Variants in ASAP3 observed in about 807,000 individuals in gnomAD.
ASAP3 encodes arf-GAP with SH3 domain, ANK repeat and PH domain-containing protein 3.
In ASAP3, 85 loss-of-function variants were observed where a neutral mutation model predicts 118.2. That is an observed-to-expected ratio of 0.72 (90% CI 0.60 to 0.86). ASAP3 has a LOEUF of 0.86. Among genes scored for constraint, ASAP3 ranks in the 40% least tolerant of loss-of-function variants. ASAP3 has a pLI of 0.00. For synonymous variants in ASAP3, 432 were observed against 477.4 expected (o/e 0.90, Z 1.24); for missense variants, 1,026 against 1,175.0 (o/e 0.87, Z 1.85).
At chr1:23,463,981 T>A (rs1390515435) in intron 1 of ASAP3, among the ~76,000 whole-genome samples, 1 of 152,120 alleles carries the variant, frequency 6.6e-6, no homozygotes, top group Non-Finnish European at 1.5e-5. Context: ...GTATGGTTCT[T>A]ACTGTGGTTT....
intron 1 of ASAP3, among the ~76,000 whole-genome samples, chr1:23,457,366 A>C (rs1035615613): frequency 6.6e-6 from 1 of 152,202 alleles, no homozygotes. Context: ...AAGATTCAAA[A>C]TGATACCCAC....
At chr1:23,472,419 C>T (rs1384993616) in intron 1 of ASAP3, among the ~76,000 whole-genome samples, 1 of 152,130 alleles carries the variant, frequency 6.6e-6, no homozygotes, top group Non-Finnish European at 1.5e-5. Context: ...AAGTGATCCT[C>T]CCACCTTGGC....
chr1:23,438,681 G>T lies in ASAP3; in HGVS notation c.1102+66C>A. 1 of 1,460,270 alleles carries T rather than the reference G, an allele frequency of 6.8e-7. No homozygotes were observed. The highest frequency in any genetic ancestry group is 9.6e-7 in the Non-Finnish European group (1 of 1,044,440). 90.5% of individuals were successfully genotyped at this position (1,460,270 alleles called of 1,614,324 possible). A position where few individuals can be genotyped will look rare whatever the true frequency, so the allele number is the denominator to read the frequency against. ...GACCCCTCACTGAAGCCCCCCGGGAGCTGACAGGTGTCTTAGAGAAGCCCT... is the reference window on the plus strand; with the variant it reads ...GACCCCTCACTGAAGCCCCCCGGGATCTGACAGGTGTCTTAGAGAAGCCCT... On this transcript the variant is annotated intron_variant, in intron 12 of 24. Coordinates refer to ENST00000336689, the MANE Select transcript of ASAP3 (RefSeq NM_017707.4). This position sits in a 1 kb window ranked among gnomAD's most constrained non-coding sequence, Gnocchi z 4.9.
chr1:23,446,111 G>A (rs1260770975), intron 5 of ASAP3, among the ~76,000 whole-genome samples: 1 of 152,180 alleles, frequency 6.6e-6, no homozygotes, highest in South Asian at 2.1e-4. Flanking sequence ...ATCTGCGGGG[G>A]TCCTGGAACC....
At position 23,436,166 on chromosome 1, in the gene ASAP3, TC is replaced by T; in HGVS notation, c.1572-139del. On this transcript the variant is annotated intron_variant, in intron 16 of 24. Coordinates refer to ENST00000336689, the MANE Select transcript of ASAP3 (RefSeq NM_017707.4). This position sits in a 1 kb window ranked among gnomAD's most constrained non-coding sequence, Gnocchi z 4.2. ...GACGTCTAGATCTGAGGCTCCCCTC[TC>T]CCCAGGCTTTTTTTTTAGACAGTCT... 1.1e-6 allele frequency: 1 copy of T among 950,772 alleles called. No individual in the cohort carries two copies. The highest frequency in any genetic ancestry group is 1.6e-6 in the Non-Finnish European group (1 of 644,650). 58.9% of individuals were successfully genotyped at this position (950,772 alleles called of 1,614,324 possible). A position where few individuals can be genotyped will look rare whatever the true frequency, so the allele number is the denominator to read the frequency against.
At chr1:23,452,365 C>T (rs951180545) in intron 4 of ASAP3, among the ~76,000 whole-genome samples, 12 of 152,224 alleles carry the variant, frequency 7.9e-5, no homozygotes, top group African/African-American at 9.6e-5. Context: ...GGGCTCTCTA[C>T]TTCCTAGTTA....
chr1:23,464,659 T>TAAAAAAAAAAAAAA (rs57655847), intron 1 of ASAP3, among the ~76,000 whole-genome samples: 4 of 47,082 alleles, frequency 8.5e-5, no homozygotes, highest in African/African-American at 4.1e-4. Flanking sequence ...GACACTGTCT[T>TAAAAAAAAAAAAAA]AAAAAAAAAA....
Position 23,429,802 on chromosome 1 carries a change from T to C in ASAP3, c.*54A>G. On this transcript the variant is annotated 3_prime_UTR_variant, in exon 25 of 25. Coordinates refer to ENST00000336689, the MANE Select transcript of ASAP3 (RefSeq NM_017707.4). ...AGCTCCCCAGTTTTGTGAGCTCAAG[T>C]CCCAGCTCTGAACATTGGGGCCTAG... 3 of 1,563,206 alleles carry C rather than the reference T, an allele frequency of 1.9e-6. No individual in the cohort carries two copies. In the South Asian group the frequency reaches 3.4e-5, roughly 18 times the overall value.
rs1252263278 is a variant in ASAP3 at position 23,436,381 on chromosome 1, T to C, written c.1571+179A>G. Reference sequence around the variant, plus strand: ...TTTTGCCATCTTAGCCGGGCTGGTCTCAAATTCCTGACCTCAAGTGATCCG... The same window carrying C: ...TTTTGCCATCTTAGCCGGGCTGGTCCCAAATTCCTGACCTCAAGTGATCCG... On this transcript the variant is annotated intron_variant, in intron 16 of 24. Transcript: ENST00000336689. This position sits in a 1 kb window ranked among gnomAD's most constrained non-coding sequence, Gnocchi z 4.2. Among the ~76,000 whole-genome samples the C allele has an allele frequency of 6.6e-6, 1 of 152,222 alleles. No homozygotes were observed. Among genetic ancestry groups the C allele is most frequent in the African/African-American group, 2.4e-5 (1 of 41,456 alleles).
intron 1 of ASAP3, among the ~76,000 whole-genome samples, chr1:23,457,404 G>A (rs1047804063): frequency 2.0e-5 from 3 of 152,214 alleles, no homozygotes; most frequent in African/African-American, 4.8e-5. Flanking sequence ...GCAGAACTCA[G>A]AGGCAATGTG....
chr1:23,449,616 C>T (rs1007668273), intron 5 of ASAP3, among the ~76,000 whole-genome samples: 3 of 152,278 alleles, frequency 2.0e-5, no homozygotes, highest in Admixed American at 1.3e-4. Context: ...AGTGTACAGT[C>T]ACCCGTGCCA....
chr1:23,442,276 G>C lies in ASAP3; in HGVS notation c.586-5C>G, dbSNP rs1031453899. On this transcript the variant is annotated splice_polypyrimidine_tract_variant and splice_region_variant and intron_variant, in intron 6 of 24. Coordinates refer to ENST00000336689, the MANE Select transcript of ASAP3 (RefSeq NM_017707.4). Reference sequence around the variant, plus strand: ...CTCCCCGGCTTTGAGCAGATACTAGGAGGAGGGCAGGGCAAGATACGTGAT... The same window carrying C: ...CTCCCCGGCTTTGAGCAGATACTAGCAGGAGGGCAGGGCAAGATACGTGAT... 6.2e-7 allele frequency: 1 copy of C among 1,600,844 alleles called. No homozygotes were observed. Among genetic ancestry groups the C allele is most frequent in the South Asian group, 1.1e-5 (1 of 88,352 alleles).
chr1:23,448,995 TC>T (rs1262745935), intron 5 of ASAP3, among the ~76,000 whole-genome samples: 2 of 152,076 alleles, frequency 1.3e-5, no homozygotes, highest in Non-Finnish European at 2.9e-5. Context: ...CATTCCTCCT[TC>T]CCTGCCTCAT....
rs1446614611 is a variant in ASAP3 at position 23,438,504 on chromosome 1, C to G, written c.1102+243G>C. ...AAATAATTTCAAAACCCAGATGACC[C>G]AAATCCACTCAAATATGCTCTGTAT... is the stretch of plus-strand genomic sequence containing the variant. On this transcript the variant is annotated intron_variant, in intron 12 of 24. Coordinates refer to ENST00000336689, the MANE Select transcript of ASAP3 (RefSeq NM_017707.4). This position sits in a 1 kb window ranked among gnomAD's most constrained non-coding sequence, Gnocchi z 4.9. Among the ~76,000 whole-genome samples the G allele has an allele frequency of 2.0e-5, 3 of 152,198 alleles. No individual in the cohort carries two copies. The highest frequency in any genetic ancestry group is 4.4e-5 in the Non-Finnish European group (3 of 68,036).
intron 1 of ASAP3, among the ~76,000 whole-genome samples, chr1:23,461,813 A>G (rs994890853): frequency 5.9e-5 from 9 of 152,292 alleles, no homozygotes; most frequent in Admixed American, 2.6e-4. Flanking sequence ...TTTGTTATGG[A>G]TGGCGGAGCA....
chr1:23,482,204 A>G (rs1236577428), intron 1 of ASAP3, among the ~76,000 whole-genome samples: 1 of 152,262 alleles, frequency 6.6e-6, no homozygotes, highest in African/African-American at 2.4e-5. Context: ...TCTGCCGATT[A>G]ATCTGACGAT....
At chr1:23,448,191 A>G (rs1641106169) in intron 5 of ASAP3, among the ~76,000 whole-genome samples, 1 of 152,248 alleles carries the variant, frequency 6.6e-6, no homozygotes, top group Non-Finnish European at 1.5e-5. Flanking sequence ...AGGAGACTAC[A>G]GCAACAGTCC....
intron 24 of ASAP3, among the ~76,000 whole-genome samples, chr1:23,430,373 T>A (rs905965131): frequency 1.3e-5 from 2 of 152,214 alleles, no homozygotes; most frequent in African/African-American, 4.8e-5. Context: ...CCAACACAAC[T>A]GGCTCTGATC....
chr1:23,463,045 C>A (rs555422337), intron 1 of ASAP3, among the ~76,000 whole-genome samples: 24 of 152,184 alleles, frequency 1.6e-4, no homozygotes, highest in African/African-American at 5.5e-4. Context: ...GGTAGGACTG[C>A]CAGGAAGGGA....
Sources: allele counts gnomAD v4.1 joint callset (sites outside exome capture counted in the v4.1 genomes callset), GRCh38; gene constraint gnomAD v4.1.1; non-coding constraint Gnocchi (gnomAD v3.1); transcripts MANE v1.5; gene names NCBI Gene and HGNC (gene_info 2026-07-23, HGNC 2026-07-21).